Variants in ALDH1L1 observed in about 807,000 individuals in gnomAD.
ALDH1L1 encodes the protein cytosolic 10-formyltetrahydrofolate dehydrogenase.
ALDH1L1 carries 68 observed loss-of-function variants against 101.1 expected under a neutral mutation model. The observed-to-expected ratio is 0.67, with a 90% CI of 0.55 to 0.82. The LOEUF is 0.82. Ranked by LOEUF, ALDH1L1 falls within the 40% of genes least tolerant of loss-of-function variation. The pLI, the probability that ALDH1L1 is intolerant of heterozygous loss-of-function variation, is 0.00. For missense variants in ALDH1L1, 1,087 were observed against 1,172.7 expected, an observed-to-expected ratio of 0.93 and a Z score of 1.07; for synonymous variants, 486 against 470.8, an observed-to-expected ratio of 1.03 and a Z score of -0.42.
chr3:126,117,943 A>ACTGC, intron 17 of ALDH1L1, 62 bp downstream of exon 17: 1 of 1,450,100 alleles, frequency 6.9e-7, no homozygotes. Flanking sequence ...CTGGGACAGC[A>ACTGC]CTGCCATGTC....
At chr3:126,191,596 G>T (rs1002237429) in intron 1 of ALDH1L1, among the ~76,000 whole-genome samples, 1 of 152,196 alleles carries the variant, frequency 6.6e-6, no homozygotes, top group African/African-American at 2.4e-5. Context: ...TGGTGAGATG[G>T]TTAAGGAAAA....
At chr3:126,165,743 T>C (rs1186571957) in intron 1 of ALDH1L1, among the ~76,000 whole-genome samples, 1 of 152,242 alleles carries the variant, frequency 6.6e-6, no homozygotes, top group Admixed American at 6.5e-5. Flanking sequence ...AAGAATCTTT[T>C]CTAATTTCTG....
chr3:126,167,386 G>GA (rs529922350), intron 1 of ALDH1L1, among the ~76,000 whole-genome samples: 165 of 152,196 alleles, frequency 1.1e-3, no homozygotes, highest in Admixed American at 2.9e-3. Flanking sequence ...TTCTCATGCT[G>GA]AAGCTCTAAC....
Position 126,158,592 on chromosome 3 carries a change from A to T in ALDH1L1, c.175T>A (p.Trp59Arg). Residue 59 changes from tryptophan (W) to arginine (R), a missense_variant, in exon 3 of 23, where the codon TGG becomes AGG. By Grantham distance (101) the Trp-to-Arg change is moderately radical. Around this residue, in one of 2 missense-constraint regions of ALDH1L1, gnomAD observed 645 missense variants for 637.0 expected, o/e 1.01. Transcript: ENST00000393434. ...GGCAAAGCCTGTCCTTTTGCACGCC[A>T]CCGGGAGTACTTGAATACCGGCACT... is the stretch of plus-strand genomic sequence containing the variant. ...DGVPVFKYSR[W>R]RAKGQALPDV... 6.2e-7 allele frequency: 1 copy of T among 1,613,994 alleles called. No homozygotes were observed. Among genetic ancestry groups the T allele is most frequent in the Non-Finnish European group, 8.5e-7 (1 of 1,179,874 alleles).
chr3:126,135,146 C>G (rs2080402281), intron 12 of ALDH1L1: 1 of 168,260 alleles, frequency 5.9e-6, no homozygotes, highest in Admixed American at 6.5e-5. Context: ...GCCAGCCCTT[C>G]TCTGGCCCTT....
chr3:126,177,100 C>G (rs1456932951), intron 1 of ALDH1L1, among the ~76,000 whole-genome samples: 1 of 152,188 alleles, frequency 6.6e-6, no homozygotes, highest in Non-Finnish European at 1.5e-5. Context: ...TTATTTATTA[C>G]TGGTAGAAAT....
At chr3:126,152,940 G>A (rs933493511) in intron 7 of ALDH1L1, 2 of 241,614 alleles carry the variant, frequency 8.3e-6, no homozygotes, top group African/African-American at 4.5e-5. Context: ...CTCCATCAGT[G>A]TTTGCTGGTA....
rs202068406 is a variant in ALDH1L1 at position 126,160,957 on chromosome 3, T to C, written c.23A>G (p.Gln8Arg). Reference sequence around the variant, plus strand: ...GTAAACTTCCTGGCCAAACAGGCTCTGTCCAATCACTGCAATCTTCATGGT... The same window carrying C: ...GTAAACTTCCTGGCCAAACAGGCTCCGTCCAATCACTGCAATCTTCATGGT... MKIAVIG[Q>R]SLFGQEVYCH... is the part of the protein sequence containing the mutation. The change falls in exon 2 of 23, where the codon CAG becomes CGG. Residue 8 changes from glutamine (Q) to arginine (R), a missense_variant. Around this residue, in one of 2 missense-constraint regions of ALDH1L1, gnomAD observed 645 missense variants for 637.0 expected, o/e 1.01. Coordinates refer to ENST00000393434, the MANE Select transcript of ALDH1L1 (RefSeq NM_012190.4). The C allele has an allele frequency of 3.0e-5, 48 of 1,614,102 alleles. No homozygotes were observed. The highest frequency in any genetic ancestry group is 4.0e-5 in the Non-Finnish European group (47 of 1,180,004).
chr3:126,125,752 T>A, intron 14 of ALDH1L1, 31 bp from the exon 15 acceptor site: 1 of 1,467,250 alleles, frequency 6.8e-7, no homozygotes, highest in South Asian at 1.4e-5. Context: ...GCCTTTGTCC[T>A]TCTTCTCCAC....
chr3:126,166,901 A>G (rs1238064655), intron 1 of ALDH1L1, among the ~76,000 whole-genome samples: 1 of 152,202 alleles, frequency 6.6e-6, no homozygotes, highest in South Asian at 2.1e-4. Flanking sequence ...CCCCTCTGTC[A>G]TATAGCTCTA....
chr3:126,121,594 G>A (rs750696970), intron 16 of ALDH1L1, among the ~76,000 whole-genome samples: 5 of 152,172 alleles, frequency 3.3e-5, no homozygotes, highest in Non-Finnish European at 7.3e-5. Context: ...ATTCCCCAGG[G>A]AAACCACTAT....
At chr3:126,182,158 T>C (rs1479910983), upstream of ALDH1L1, among the ~76,000 whole-genome samples, 1 of 151,444 alleles carries the variant, frequency 6.6e-6, no homozygotes, top group Non-Finnish European at 1.5e-5. Flanking sequence ...TTTATTTATT[T>C]TTTTTTGAGG....
chr3:126,121,408 C>CA (rs1214157924), intron 16 of ALDH1L1, among the ~76,000 whole-genome samples: 4 of 151,978 alleles, frequency 2.6e-5, no homozygotes, highest in South Asian at 2.1e-4. Context: ...AAATTTTAGA[C>CA]AAAAAAACAA....
At chr3:126,155,540 G>A in intron 4 of ALDH1L1, 37 bp from the exon 5 acceptor site, 1 of 1,576,450 alleles carries the variant, frequency 6.3e-7, no homozygotes, top group Non-Finnish European at 8.6e-7. Context: ...CCCAGCAATA[G>A]GACCCTGCCT....
Position 126,110,014 on chromosome 3 carries a change from C to T in ALDH1L1, c.2277G>A (p.Met759Ile). 1.2e-6 allele frequency: 2 copies of T among 1,614,210 alleles called. No individual in the cohort carries two copies. Among genetic ancestry groups the T allele is most frequent in the Non-Finnish European group, 1.7e-6 (2 of 1,180,028 alleles). ...QNHHAHLVKL[M>I]EYCQHGVKEG... ...CCTTCACGCCATGCTGGCAGTACTC[C>T]ATCAGCTTCACAAGGTGGGCATGGT... Residue 759 changes from methionine to isoleucine, a missense_variant, in exon 20 of 23, where the codon ATG becomes ATA. Transcript: ENST00000393434.
chr3:126,159,264 C>T, intron 2 of ALDH1L1: 1 of 377,622 alleles, frequency 2.6e-6, no homozygotes, highest in Non-Finnish European at 5.2e-6. Flanking sequence ...GGACCAGATA[C>T]AGCCTGCAGG....
At chr3:126,158,698 C>T (rs2080972221) in intron 2 of ALDH1L1, 59 bp from the exon 3 acceptor site, 1 of 1,521,098 alleles carries the variant, frequency 6.6e-7, no homozygotes, top group Admixed American at 1.7e-5. Context: ...ACGCAGCCAC[C>T]TCTGCCTTCC....
chr3:126,196,935 T>C (rs928222383), intron 1 of ALDH1L1, among the ~76,000 whole-genome samples: 1 of 152,216 alleles, frequency 6.6e-6, no homozygotes, highest in Non-Finnish European at 1.5e-5. Context: ...TAGTTAATTT[T>C]GAGCTTGCAA....
chr3:126,168,226 T>C (rs1350024051), intron 1 of ALDH1L1, among the ~76,000 whole-genome samples: 2 of 152,284 alleles, frequency 1.3e-5, no homozygotes, highest in East Asian at 1.9e-4. Context: ...AAGAGTATTA[T>C]ATGCTTTTTT....
Sources: allele counts gnomAD v4.1 joint callset (sites outside exome capture counted in the v4.1 genomes callset), GRCh38; gene constraint gnomAD v4.1.1; regional missense constraint gnomAD v4.1.1; transcripts MANE v1.5; gene names NCBI Gene and HGNC (gene_info 2026-07-23, HGNC 2026-07-21).